Variants in SRFBP1 observed in about 807,000 individuals in gnomAD.
SRFBP1 encodes the protein serum response factor-binding protein 1.
In SRFBP1, 47 loss-of-function variants were observed where a neutral mutation model predicts 45.5. That is an observed-to-expected ratio of 1.03 (90% confidence interval 0.82 to 1.32). The LOEUF (loss-of-function observed/expected upper bound fraction) is 1.32, where lower values mean the gene tolerates loss of function less well. Ranked by LOEUF, SRFBP1 falls within the 40% of genes most tolerant of loss-of-function variation. The pLI, the probability that SRFBP1 is intolerant of heterozygous loss-of-function variation, is 0.00. For synonymous variants in SRFBP1, 203 were observed against 166.3 expected, an observed-to-expected ratio of 1.22 and a Z score of -1.70; for missense variants, 621 against 484.6, an observed-to-expected ratio of 1.28 and a Z score of -2.64.
In SRFBP1 at chr5:121,964,661, C is replaced by T. The variant is rs923167612; in HGVS notation, c.36+2593C>T. On this transcript the variant is annotated intron_variant, in intron 1 of 7. Coordinates refer to ENST00000339397, the MANE Select transcript of SRFBP1 (RefSeq NM_152546.3). ...CAGTGCCACAATAAACATACATGTG[C>T]ATGTGCCTTTGTAGTAGAATGATTT... Among the ~76,000 whole-genome samples the T allele has an allele frequency of 2.9e-4, 44 of 152,190 alleles. 1 individual carries two copies. The highest frequency in any genetic ancestry group is 1.3e-4 in the Admixed American group (2 of 15,288).
rs765252042 is a variant in SRFBP1 at position 122,020,399 on chromosome 5, C to T, written c.664C>T (p.Pro222Ser). ...AGTTTCCCTTGAGTCCCAGAAGACA[C>T]CTGCTGACCCAAAACTGAAAACTCT... ...SVVSLESQKT[P>S]ADPKLKTLSQ... Residue 222 changes from proline to serine, a missense_variant, in exon 6 of 8, where the codon CCT (proline) becomes TCT (serine). Coordinates refer to ENST00000339397, the MANE Select transcript of SRFBP1 (RefSeq NM_152546.3). The T allele has an allele frequency of 2.3e-5, 37 of 1,613,956 alleles. No individual in the cohort carries two copies. In the East Asian group the frequency reaches 3.6e-4, roughly 16 times the overall value.
rs553139129 is a variant in SRFBP1 at position 121,972,653 on chromosome 5, A to G, written c.37-1543A>G. Among the ~76,000 whole-genome samples, 7 of 152,066 alleles carry G rather than the reference A, an allele frequency of 4.6e-5. No individual in the cohort carries two copies. In the South Asian group the frequency reaches 1.5e-3, roughly 32 times the overall value. ...TATCATGTATCTAAACTGCATAAAA[A>G]GAGGAACATTAAGTGTAGGAGTCAG... On this transcript the variant is annotated intron_variant, in intron 1 of 7. Transcript: ENST00000339397.
At chr5:122,074,410 T>C (rs1754554227) in intron 2 of SRFBP1, among the ~76,000 whole-genome samples, 1 of 152,234 alleles carries the variant, frequency 6.6e-6, no homozygotes, top group Non-Finnish European at 1.5e-5. Flanking sequence ...TTTTGCTTTC[T>C]TATTGTACCC....
At chr5:122,038,034 A>G (rs1360457505) in intron 2 of SRFBP1, among the ~76,000 whole-genome samples, 1 of 152,146 alleles carries the variant, frequency 6.6e-6, no homozygotes, top group Non-Finnish European at 1.5e-5. Context: ...ATAAAATCTC[A>G]TATCTCCCAC....
chr5:122,002,951 C>T (rs944923704), intron 4 of SRFBP1, among the ~76,000 whole-genome samples: 1 of 152,112 alleles, frequency 6.6e-6, no homozygotes, highest in Non-Finnish European at 1.5e-5. Context: ...AATTTTAAGG[C>T]ATTTTATGGC....
chr5:122,019,494 G>T (rs548959846), intron 5 of SRFBP1, among the ~76,000 whole-genome samples, 153 bp downstream of exon 5: 1 of 151,872 alleles, frequency 6.6e-6, no homozygotes, highest in East Asian at 1.9e-4. Context: ...AATACAGAAA[G>T]TGTGATCTCT....
chr5:121,984,831 A>G (rs1012413824), intron 3 of SRFBP1, among the ~76,000 whole-genome samples: 2 of 151,816 alleles, frequency 1.3e-5, no homozygotes, highest in Non-Finnish European at 3.0e-5. Flanking sequence ...ACAATCCATT[A>G]TCATTGTCCA....
downstream of SRFBP1, among the ~76,000 whole-genome samples, chr5:122,030,299 G>T (rs1194243022): frequency 6.6e-6 from 1 of 152,168 alleles, no homozygotes; most frequent in African/African-American, 2.4e-5. Flanking sequence ...ATCTTGATAA[G>T]AACAGGGATC....
At chr5:122,009,908 TG>T (rs1163277514) in intron 4 of SRFBP1, among the ~76,000 whole-genome samples, 3 of 152,182 alleles carry the variant, frequency 2.0e-5, no homozygotes, top group Non-Finnish European at 2.9e-5. Flanking sequence ...AGTGCCATAG[TG>T]GAACATCCCA....
intron 4 of SRFBP1, among the ~76,000 whole-genome samples, chr5:121,997,201 C>T (rs376622823): frequency 0.024 from 3,422 of 144,526 alleles, 36 homozygotes; most frequent in African/African-American, 0.03. Flanking sequence ...GAGCCCCCAT[C>T]GCCAAGTCAA....
At chr5:122,043,505 C>A (rs189854948) in intron 2 of SRFBP1, among the ~76,000 whole-genome samples, 168 of 152,318 alleles carry the variant, frequency 1.1e-3, no homozygotes, top group Non-Finnish European at 1.9e-3. Context: ...CGTGAGCCAC[C>A]ATGCCCAGCC....
chr5:121,999,386 T>C (rs1411588592), intron 4 of SRFBP1, among the ~76,000 whole-genome samples: 1 of 152,132 alleles, frequency 6.6e-6, no homozygotes, highest in Non-Finnish European at 1.5e-5. Flanking sequence ...TAGTCCAGAG[T>C]ATAGCATATC....
At chr5:121,964,034 G>A (rs572793306) in intron 1 of SRFBP1, among the ~76,000 whole-genome samples, 7 of 152,114 alleles carry the variant, frequency 4.6e-5, no homozygotes, top group Non-Finnish European at 7.4e-5. Flanking sequence ...CAGAAAATAG[G>A]CAGAAGAAAT....
At chr5:122,002,963 A>G (rs1312560360) in intron 4 of SRFBP1, among the ~76,000 whole-genome samples, 1 of 152,204 alleles carries the variant, frequency 6.6e-6, no homozygotes, top group Non-Finnish European at 1.5e-5. Context: ...TTTTATGGCT[A>G]GAAAAGCTGT....
rs1753522231 is a variant in SRFBP1 at position 122,027,958 on chromosome 5, T to G, written c.*832T>G. On this transcript the variant is annotated 3_prime_UTR_variant, in exon 8 of 8. Transcript: ENST00000339397. ...TTATCTAGTTTTTACTATACTTATT[T>G]TAAAATTTTTGAGGAATCATAGATT... The G allele has an allele frequency of 6.6e-6, 1 of 152,198 alleles. No individual in the cohort carries two copies. The highest frequency in any genetic ancestry group is 2.4e-5 in the African/African-American group (1 of 41,454). 9.4% of individuals were successfully genotyped at this position (152,198 alleles called of 1,614,324 possible). A position where few individuals can be genotyped will look rare whatever the true frequency, so the allele number is the denominator to read the frequency against.
chr5:122,078,595 A>C, downstream of SRFBP1, among the ~76,000 whole-genome samples: 1 of 152,218 alleles, frequency 6.6e-6, no homozygotes. Context: ...TGCACGAAGA[A>C]AAATGCTATT....
intron 2 of SRFBP1, among the ~76,000 whole-genome samples, chr5:122,062,941 T>G (rs185004012): frequency 5.3e-5 from 8 of 152,120 alleles, no homozygotes; most frequent in Admixed American, 4.6e-4. Flanking sequence ...GCAGTGTGAT[T>G]GTTCTTGCAA....
chr5:122,012,161 A>C (rs147093667), intron 4 of SRFBP1, among the ~76,000 whole-genome samples: 1 of 152,080 alleles, frequency 6.6e-6, no homozygotes, highest in Non-Finnish European at 1.5e-5. Context: ...AGTCTAATTG[A>C]TTGATAAAAT....
rs1752683702 is a variant in SRFBP1, at chr5:121,994,660, TC to T, written c.261del (p.Phe88SerfsTer16). On this transcript the variant is annotated frameshift_variant, in exon 4 of 8. Transcript: ENST00000339397. LOFTEE classifies it high-confidence loss of function. The stretch of plus-strand genomic sequence containing the variant: ...GGTGATGATATCAACTTTGAAAAAA[TC>T]TTCAAAAAGGTATATCTGCAATAGA... ...ALGDDINFEK[I>X]FKKPDSTATE... The T allele has an allele frequency of 5.0e-6, 8 of 1,592,016 alleles. No homozygotes were observed. The highest frequency in any genetic ancestry group is 6.0e-6 in the Non-Finnish European group (7 of 1,168,346).
Sources: allele counts gnomAD v4.1 joint callset (sites outside exome capture counted in the v4.1 genomes callset), GRCh38; gene constraint gnomAD v4.1.1; transcripts MANE v1.5; gene names NCBI Gene and HGNC (gene_info 2026-07-23, HGNC 2026-07-21).